ADCY8: variants seen among roughly 807,000 people sequenced by gnomAD.
ADCY8 encodes adenylate cyclase 8, also known as adenylate cyclase type 8.
Under a neutral mutation model 119.7 loss-of-function variants are expected in ADCY8, and 51 were observed. The observed-to-expected ratio is 0.43, with a 90% CI of 0.34 to 0.54. The LOEUF (loss-of-function observed/expected upper bound fraction) is 0.54. Ranked by LOEUF, ADCY8 falls within the 20% of genes least tolerant of loss-of-function variation. The pLI, the probability that ADCY8 is intolerant of heterozygous loss-of-function variation, is 0.03. For synonymous variants in ADCY8, 665 were observed against 651.0 expected, an observed-to-expected ratio of 1.02 and a Z score of -0.33; for missense variants, 1,383 against 1,598.8, an observed-to-expected ratio of 0.87 and a Z score of 2.30.
intron 1 of ADCY8, among the ~76,000 whole-genome samples, chr8:131,005,303 T>C (rs1412198994): frequency 6.6e-6 from 1 of 152,146 alleles, no homozygotes; most frequent in Non-Finnish European, 1.5e-5. Flanking sequence ...ACAGTAAATA[T>C]CCCAAAATGG....
intron 7 of ADCY8, among the ~76,000 whole-genome samples, chr8:130,899,747 T>C (rs1819533745): frequency 6.6e-6 from 1 of 152,166 alleles, no homozygotes; most frequent in Admixed American, 6.5e-5. Flanking sequence ...CAGATATAGA[T>C]TTTACTCAGA....
At chr8:130,935,026 A>T (rs1041026068) in intron 5 of ADCY8, among the ~76,000 whole-genome samples, 15 of 152,232 alleles carry the variant, frequency 9.9e-5, no homozygotes, top group African/African-American at 3.4e-4. Context: ...GATCAATGAC[A>T]TAAGAAGACT....
At chr8:130,912,265 A>G (rs753266441) in intron 5 of ADCY8, among the ~76,000 whole-genome samples, 3 of 152,166 alleles carry the variant, frequency 2.0e-5, no homozygotes, top group Non-Finnish European at 4.4e-5. Context: ...GACTTTGAAC[A>G]ACTACTCTGT....
At chr8:130,905,904 T>C (rs1249209233) in intron 6 of ADCY8, among the ~76,000 whole-genome samples, 1 of 152,158 alleles carries the variant, frequency 6.6e-6, no homozygotes, top group East Asian at 1.9e-4. Context: ...TGCAGTTTAC[T>C]TTTAGTATTA....
At chr8:130,951,842 C>CG (rs780010245) in intron 3 of ADCY8, 26 bp downstream of exon 3, 1 of 1,612,612 alleles carries the variant, frequency 6.2e-7, no homozygotes, top group African/African-American at 1.3e-5. Flanking sequence ...ATGCAAGAGC[C>CG]GGGGCAAGGG....
In ADCY8 at chr8:131,017,409, G is replaced by A. The variant is rs550588565; in HGVS notation, c.960+21965C>T. Among the ~76,000 whole-genome samples, 52 of 152,288 alleles carry A rather than the reference G, an allele frequency of 3.4e-4. No homozygotes were observed. The South Asian group carries it at 8.1e-3, about 24-fold the overall frequency. On this transcript the variant is annotated intron_variant, in intron 1 of 17. Transcript: ENST00000286355. ...TCTAAAGTCAGAGCAGGCAGCAGTC[G>A]GAGCTAGATGGCTGGAGACATTCAA...
intron 5 of ADCY8, among the ~76,000 whole-genome samples, chr8:130,914,956 C>T (rs533216318): frequency 6.6e-6 from 1 of 152,294 alleles, no homozygotes; most frequent in African/African-American, 2.4e-5. Context: ...GTTCACAGGC[C>T]TTTGGCTGTC....
At chr8:130,937,868 G>A (rs1820835634) in intron 4 of ADCY8, among the ~76,000 whole-genome samples, 1 of 152,228 alleles carries the variant, frequency 6.6e-6, no homozygotes, top group South Asian at 2.1e-4. Context: ...ATAAAACAGA[G>A]TTAATCCTCA....
At chr8:130,872,060 G>A (rs1212873698) in intron 8 of ADCY8, among the ~76,000 whole-genome samples, 1 of 152,116 alleles carries the variant, frequency 6.6e-6, no homozygotes, top group East Asian at 1.9e-4. Context: ...TCAGTTGGTG[G>A]CAAAATTCAG....
At chr8:130,823,225 T>G (rs1816572912) in intron 12 of ADCY8, among the ~76,000 whole-genome samples, 1 of 147,682 alleles carries the variant, frequency 6.8e-6, no homozygotes, top group Non-Finnish European at 1.5e-5. Flanking sequence ...TAGACAAAAC[T>G]CAGAAGAAAA....
At chr8:130,861,996 T>C (rs537719153) in intron 9 of ADCY8, among the ~76,000 whole-genome samples, 10 of 152,336 alleles carry the variant, frequency 6.6e-5, no homozygotes, top group Admixed American at 6.5e-4. Context: ...TTTTAGAATG[T>C]TGAATAAACT....
intron 17 of ADCY8, among the ~76,000 whole-genome samples, chr8:130,782,872 A>AAG (rs1199075519): frequency 6.6e-6 from 1 of 152,274 alleles, no homozygotes; most frequent in African/African-American, 2.4e-5. Context: ...TATCAGCCAG[A>AAG]AGATGTCTAC....
At chr8:130,870,040 T>C (rs1195714794) in intron 8 of ADCY8, among the ~76,000 whole-genome samples, 2 of 140,600 alleles carry the variant, frequency 1.4e-5, no homozygotes, top group Non-Finnish European at 3.1e-5. Flanking sequence ...TTTGATGGAG[T>C]CTTGCTCTTG....
intron 5 of ADCY8, 135 bp downstream of exon 5, chr8:130,936,938 G>T: frequency 9.3e-7 from 1 of 1,078,546 alleles, no homozygotes; most frequent in Non-Finnish European, 1.3e-6. Flanking sequence ...GAACTAAGGG[G>T]CACACAGTTT....
At chr8:130,893,082 T>A (rs1044174749) in intron 7 of ADCY8, among the ~76,000 whole-genome samples, 1 of 152,188 alleles carries the variant, frequency 6.6e-6, no homozygotes, top group African/African-American at 2.4e-5. Flanking sequence ...ACTTGGGTCA[T>A]TTTTATAAAA....
chr8:131,031,919 A>G (rs1824009562), intron 1 of ADCY8, among the ~76,000 whole-genome samples: 1 of 152,094 alleles, frequency 6.6e-6, no homozygotes, highest in African/African-American at 2.4e-5. Context: ...TTGATAATGC[A>G]TTCTCTAACC....
chr8:130,879,436 T>C (rs1453223799), intron 8 of ADCY8, among the ~76,000 whole-genome samples: 1 of 152,216 alleles, frequency 6.6e-6, no homozygotes, highest in Non-Finnish European at 1.5e-5. Context: ...ACTGCAATAA[T>C]AATTTTAAAA....
intron 11 of ADCY8, among the ~76,000 whole-genome samples, chr8:130,843,414 T>A (rs1817205634): frequency 6.6e-6 from 1 of 152,206 alleles, no homozygotes. Context: ...TAGTATGTTC[T>A]GCAGACTGTA....
intron 9 of ADCY8, among the ~76,000 whole-genome samples, chr8:130,850,490 C>A (rs12546036): frequency 6.6e-6 from 1 of 151,962 alleles, no homozygotes; most frequent in Non-Finnish European, 1.5e-5. Flanking sequence ...TCCTGTCTCC[C>A]CTATCAACCT....
Sources: allele counts gnomAD v4.1 joint callset (sites outside exome capture counted in the v4.1 genomes callset), GRCh38; gene constraint gnomAD v4.1.1; transcripts MANE v1.5; gene names NCBI Gene and HGNC (gene_info 2026-07-23, HGNC 2026-07-21).